Variants in PVT1 observed in about 807,000 individuals in gnomAD.
PVT1 encodes CXCR4/PVT1 fusion.
chr8:128,002,548 A>G (rs1817192793), intron 4 of PVT1, among the ~76,000 whole-genome samples: 1 of 152,162 alleles, frequency 6.6e-6, no homozygotes, highest in Admixed American at 6.5e-5. Flanking sequence ...ATGCCCAGAA[A>G]AATCCTCCCT....
chr8:127,842,273 A>C (rs1470581338), intron 2 of PVT1, among the ~76,000 whole-genome samples: 2 of 142,132 alleles, frequency 1.4e-5, no homozygotes, highest in Non-Finnish European at 3.1e-5. Flanking sequence ...TTTTTTTTTT[A>C]AGAAAGAATT....
intron 2 of PVT1, among the ~76,000 whole-genome samples, chr8:127,837,283 G>A (rs1026598755): frequency 3.3e-5 from 5 of 152,112 alleles, no homozygotes; most frequent in Admixed American, 6.5e-5. Context: ...CTTTCTGGCC[G>A]GGCTGCAGGC....
intron 6 of PVT1, among the ~76,000 whole-genome samples, chr8:128,098,500 C>T (rs906630740): frequency 1.4e-4 from 22 of 152,302 alleles, no homozygotes; most frequent in Middle Eastern, 3.4e-3. Context: ...TGCGGCCTCT[C>T]GGCCCTGGGG....
chr8:127,995,971 C>T (rs566142451), intron 4 of PVT1, among the ~76,000 whole-genome samples: 234 of 152,102 alleles, frequency 1.5e-3, no homozygotes, highest in Non-Finnish European at 2.5e-3. Context: ...TTTGCTAAAT[C>T]GGTATAAGTG....
chr8:128,088,911 G>A (rs1814312348), intron 5 of PVT1, among the ~76,000 whole-genome samples: 1 of 152,226 alleles, frequency 6.6e-6, no homozygotes, highest in Non-Finnish European at 1.5e-5. Flanking sequence ...GAGGAGAGAG[G>A]GGAAAAGTCC....
chr8:127,987,644 C>T (rs763151929), intron 3 of PVT1, among the ~76,000 whole-genome samples: 1 of 152,212 alleles, frequency 6.6e-6, no homozygotes, highest in Non-Finnish European at 1.5e-5. Context: ...GAAACTGAGG[C>T]TCAGAGAGCT....
At chr8:128,044,024 T>A (rs749518223) in intron 4 of PVT1, among the ~76,000 whole-genome samples, 5,494 of 149,026 alleles carry the variant, frequency 0.037, 138 homozygotes, top group South Asian at 0.077. Context: ...TATTTTTTTT[T>A]TTTTTTGTAG....
chr8:127,819,916 C>T (rs190570087), intron 2 of PVT1, among the ~76,000 whole-genome samples: 1 of 152,162 alleles, frequency 6.6e-6, no homozygotes, highest in East Asian at 1.9e-4. Context: ...CAGATTCTAT[C>T]GAGTCTCATC....
At chr8:127,829,797 C>T (rs1814830131) in intron 2 of PVT1, among the ~76,000 whole-genome samples, 1 of 152,186 alleles carries the variant, frequency 6.6e-6, no homozygotes, top group Non-Finnish European at 1.5e-5. Context: ...GCAATGGGCT[C>T]CTTTCAACAA....
chr8:128,013,191 C>T (rs1028776886), intron 4 of PVT1, among the ~76,000 whole-genome samples: 2 of 152,290 alleles, frequency 1.3e-5, no homozygotes, highest in African/African-American at 4.8e-5. Flanking sequence ...CTTCCCTGTG[C>T]CTCTGTTTCC....
At chr8:128,047,903 TA>T (rs1419753920) in intron 4 of PVT1, among the ~76,000 whole-genome samples, 3 of 152,158 alleles carry the variant, frequency 2.0e-5, no homozygotes, top group African/African-American at 7.2e-5. Flanking sequence ...AAAATTAATC[TA>T]AAAAAATTAG....
At chr8:127,807,061 G>A (rs1814536440) in intron 2 of PVT1, among the ~76,000 whole-genome samples, 1 of 152,256 alleles carries the variant, frequency 6.6e-6, no homozygotes, top group Non-Finnish European at 1.5e-5. Flanking sequence ...AGCTCCGCTA[G>A]TGAGTGTGTG....
At chr8:127,826,305 G>C (rs1814788180) in intron 2 of PVT1, among the ~76,000 whole-genome samples, 1 of 152,090 alleles carries the variant, frequency 6.6e-6, no homozygotes, top group Non-Finnish European at 1.5e-5. Context: ...TGAACAAAGT[G>C]CTTCCGCTAG....
chr8:127,994,718 G>A (rs1375803398), intron 4 of PVT1, among the ~76,000 whole-genome samples: 1 of 152,214 alleles, frequency 6.6e-6, no homozygotes, highest in Non-Finnish European at 1.5e-5. Flanking sequence ...AACAGCTGTC[G>A]TGTCACAAAG....
intron 2 of PVT1, among the ~76,000 whole-genome samples, chr8:127,862,136 G>A (rs779712876): frequency 3.2e-4 from 48 of 152,300 alleles, no homozygotes; most frequent in Non-Finnish European, 4.1e-4. Context: ...GGCTGGGCGC[G>A]TTGGCTCACG....
intron 3 of PVT1, among the ~76,000 whole-genome samples, chr8:127,972,744 A>T (rs1380246474): frequency 2.6e-5 from 4 of 152,114 alleles, no homozygotes; most frequent in East Asian, 1.9e-4. Context: ...GTCTCAAAAA[A>T]AATAATAATA....
rs56937591 is a variant in PVT1, at chr8:127,809,052, A to G, written n.372+12981A>G. Among the ~76,000 whole-genome samples, 165 of 135,076 alleles carry G rather than the reference A, an allele frequency of 1.2e-3. 2 individuals are homozygous for G. The highest frequency in any genetic ancestry group is 3.2e-3 in the African/African-American group (105 of 32,660). 88.6% of individuals were successfully genotyped at this position (135,076 alleles called of 152,430 possible). On this transcript the variant is annotated intron_variant and non_coding_transcript_variant, in intron 2 of 10. Coordinates refer to ENST00000651587, the Ensembl canonical transcript of PVT1. ...CTCAAAAAAAAAAAAAAAAAAAAAA[A>G]AAAGAAAGAAAAAAAAGAAAAAGAA...
chr8:128,045,531 G>T (rs149312077), intron 4 of PVT1, among the ~76,000 whole-genome samples: 69 of 152,320 alleles, frequency 4.5e-4, no homozygotes, highest in African/African-American at 1.6e-3. Flanking sequence ...CCTAGGGCCA[G>T]AACCAGCTGT....
intron 3 of PVT1, among the ~76,000 whole-genome samples, chr8:127,920,185 A>G (rs1193266368): frequency 3.9e-5 from 6 of 152,210 alleles, no homozygotes; most frequent in Admixed American, 1.3e-4. Context: ...CCCACATCCA[A>G]TGATAATCAG....
Sources: allele counts gnomAD v4.1 joint callset (sites outside exome capture counted in the v4.1 genomes callset), GRCh38; gene constraint gnomAD v4.1.1; transcripts MANE v1.5; gene names NCBI Gene and HGNC (gene_info 2026-07-23, HGNC 2026-07-21).